Variants in HDAC9 observed in about 807,000 individuals in gnomAD.
HDAC9 encodes the protein histone deacetylase 9.
In HDAC9, 41 loss-of-function variants were observed where a neutral mutation model predicts 139.4. That is an observed-to-expected ratio of 0.29 (90% CI 0.23 to 0.38). The LOEUF (loss-of-function observed/expected upper bound fraction) is 0.38, where lower values mean the gene tolerates loss of function less well. Ranked by LOEUF, HDAC9 falls within the 10% of genes least tolerant of loss-of-function variation. HDAC9 has a pLI of 1.00. For missense variants in HDAC9, 1,147 were observed against 1,297.0 expected (o/e 0.88, Z 1.78); for synonymous variants, 517 against 476.2 (o/e 1.09, Z -1.12).
rs142735032 is a variant in HDAC9, at chr7:18,784,434, C to T, written c.2215-8911C>T. 3.3e-5 allele frequency among the ~76,000 whole-genome samples: 5 copies of T among 151,554 alleles called. No homozygotes were observed. In the East Asian group the frequency reaches 7.8e-4, roughly 24 times the overall value. On this transcript the variant is annotated intron_variant, in intron 16 of 25. Coordinates refer to ENST00000686413, the MANE Select transcript of HDAC9 (RefSeq NM_178425.4). Reference sequence around the variant, plus strand: ...ATTTAATTTATTCCTGATTCAAATCCGAGGAGGCATTTTAGAAGAGAAGGT... The same window carrying T: ...ATTTAATTTATTCCTGATTCAAATCTGAGGAGGCATTTTAGAAGAGAAGGT...
chr7:18,133,137 C>A (rs1785136745), intron 1 of HDAC9, among the ~76,000 whole-genome samples: 1 of 152,078 alleles, frequency 6.6e-6, no homozygotes, highest in South Asian at 2.1e-4. Flanking sequence ...GCTTCTGTCA[C>A]AAATTGCATT....
At chr7:18,146,750 T>C (rs1476504695) in intron 1 of HDAC9, among the ~76,000 whole-genome samples, 1 of 152,190 alleles carries the variant, frequency 6.6e-6, no homozygotes, top group Non-Finnish European at 1.5e-5. Context: ...TAATGCTTCC[T>C]AGAGAACAAG....
At chr7:18,663,546 T>C (rs1037527246) in intron 11 of HDAC9, among the ~76,000 whole-genome samples, 1 of 152,048 alleles carries the variant, frequency 6.6e-6, no homozygotes, top group African/African-American at 2.4e-5. Context: ...ACTCAGTTCC[T>C]ATTCCATGAC....
intron 21 of HDAC9, among the ~76,000 whole-genome samples, chr7:18,842,137 G>A (rs1422524036): frequency 1.3e-5 from 2 of 152,122 alleles, no homozygotes; most frequent in South Asian, 2.1e-4. Flanking sequence ...AATGAGAGCT[G>A]TGGTTGATGC....
chr7:18,404,904 G>A (rs1050565996), intron 1 of HDAC9, among the ~76,000 whole-genome samples: 2 of 152,222 alleles, frequency 1.3e-5, no homozygotes, highest in Admixed American at 6.5e-5. Flanking sequence ...GGTTGTGGGT[G>A]TCCAGAGCTC....
At chr7:18,664,063 C>T (rs1794056722) in intron 11 of HDAC9, among the ~76,000 whole-genome samples, 1 of 152,146 alleles carries the variant, frequency 6.6e-6, no homozygotes, top group Non-Finnish European at 1.5e-5. Flanking sequence ...TAAATGGGTT[C>T]CTACAACTTT....
chr7:18,413,370 C>T (rs1377673970), intron 1 of HDAC9, among the ~76,000 whole-genome samples: 1 of 152,046 alleles, frequency 6.6e-6, no homozygotes, highest in African/African-American at 2.4e-5. Context: ...CTAATGATTC[C>T]AATCTGGAGT....
Position 18,634,653 on chromosome 7 carries a change from G to A in HDAC9, c.823G>A (p.Gly275Ser), listed in dbSNP as rs552180292. The change falls in exon 8 of 26, where the codon GGC becomes AGC. Residue 275 changes from glycine to serine, a missense_variant. Transcript: ENST00000686413. ...ATCCTCAGTCAGTAGCAGTTCTCCA[G>A]GCTCTGGTCCCAGTTCACCAAACAA... ...TESSVSSSSP[G>S]SGPSSPNNGP... 5 of 1,587,984 alleles carry A rather than the reference G, an allele frequency of 3.1e-6. No homozygotes were observed. The highest frequency in any genetic ancestry group is 1.1e-5 in the South Asian group (1 of 86,992).
chr7:18,303,327 C>T (rs1798675454), intron 1 of HDAC9, among the ~76,000 whole-genome samples: 1 of 151,562 alleles, frequency 6.6e-6, no homozygotes, highest in Non-Finnish European at 1.5e-5. Context: ...CTGCCTCAGC[C>T]TTCCGAGTGG....
chr7:18,964,584 A>T (rs955742714), intron 24 of HDAC9, among the ~76,000 whole-genome samples: 1 of 152,230 alleles, frequency 6.6e-6, no homozygotes, highest in African/African-American at 2.4e-5. Flanking sequence ...CAACTGCCCA[A>T]CACTGGGCAA....
chr7:18,936,372 T>C (rs188843362), intron 23 of HDAC9, among the ~76,000 whole-genome samples: 2 of 152,336 alleles, frequency 1.3e-5, no homozygotes, highest in African/African-American at 4.8e-5. Context: ...ATTTCCATCT[T>C]ACAGATGGTG....
intron 2 of HDAC9, among the ~76,000 whole-genome samples, chr7:18,546,625 G>A (rs1814925378): frequency 6.6e-6 from 1 of 152,100 alleles, no homozygotes; most frequent in African/African-American, 2.4e-5. Context: ...TTTAAAATAG[G>A]CAAGTTGTTT....
chr7:18,908,671 T>C (rs1054904279), intron 22 of HDAC9, among the ~76,000 whole-genome samples: 1 of 152,114 alleles, frequency 6.6e-6, no homozygotes, highest in African/African-American at 2.4e-5. Context: ...CTGCATTATT[T>C]TACTTAACAT....
At chr7:18,569,022 G>A (rs1200130470) in intron 2 of HDAC9, among the ~76,000 whole-genome samples, 2 of 151,876 alleles carry the variant, frequency 1.3e-5, no homozygotes, top group Admixed American at 6.6e-5. Flanking sequence ...ACTCCAGCCT[G>A]GGCAACAAGA....
intron 1 of HDAC9, among the ~76,000 whole-genome samples, chr7:18,401,599 A>C (rs1257355867): frequency 6.6e-6 from 1 of 152,046 alleles, no homozygotes; most frequent in Non-Finnish European, 1.5e-5. Flanking sequence ...TGGATAGGTA[A>C]TTTTCTCTTG....
At position 18,786,796 on chromosome 7, in the gene HDAC9, T is replaced by TTTCC. The variant is rs1173756197; in HGVS notation, c.2215-6529_2215-6526dup. ...TTTCTTTCTTTTCTTTCTTTCTTTC[T>TTTCC]TTCCTTCCTTCCTTCCTTCCTTCAT... On this transcript the variant is annotated intron_variant, in intron 16 of 25. Transcript: ENST00000686413. Among the ~76,000 whole-genome samples, 136 of 44,058 alleles carry TTTCC rather than the reference T, an allele frequency of 3.1e-3. 2 individuals carry two copies. Among genetic ancestry groups the TTTCC allele is most frequent in the East Asian group, 0.022 (69 of 3,204 alleles). 28.9% of individuals were successfully genotyped at this position (44,058 alleles called of 152,430 possible).
intron 6 of HDAC9, among the ~76,000 whole-genome samples, chr7:18,619,122 G>A (rs1219612874): frequency 6.6e-6 from 1 of 152,054 alleles, no homozygotes. Context: ...GCATATGAAG[G>A]CATTCTGGCC....
rs59163514 is a variant in HDAC9, at chr7:18,915,415, AT to A, written c.2804-20384del. ...TGTTTTCAGAAAACCGCAACAAACT[AT>A]TTTTTTTTTAAGTTGAATAAAATAA... On this transcript the variant is annotated intron_variant, in intron 22 of 25. Coordinates refer to ENST00000686413, the MANE Select transcript of HDAC9 (RefSeq NM_178425.4). Among the ~76,000 whole-genome samples the A allele has an allele frequency of 0.014, 2,027 of 149,504 alleles. 88 individuals carry two copies. In the East Asian group the frequency reaches 0.16, roughly 12 times the overall value.
chr7:18,636,182 A>T (rs533112429), intron 8 of HDAC9, among the ~76,000 whole-genome samples: 15 of 152,162 alleles, frequency 9.9e-5, no homozygotes, highest in Non-Finnish European at 1.8e-4. Flanking sequence ...CCAACCAGGG[A>T]GGATAATCTA....
Sources: allele counts gnomAD v4.1 joint callset (sites outside exome capture counted in the v4.1 genomes callset), GRCh38; gene constraint gnomAD v4.1.1; transcripts MANE v1.5; gene names NCBI Gene and HGNC (gene_info 2026-07-23, HGNC 2026-07-21).